The following CLMN variants were observed in gnomAD, a reference collection of about 807,000 sequenced individuals.
CLMN encodes the protein calmin.
CLMN carries 57 observed loss-of-function variants against 92.7 expected under a neutral mutation model. The observed-to-expected ratio is 0.61, with a 90% CI of 0.50 to 0.77. The LOEUF (loss-of-function observed/expected upper bound fraction) is 0.77, where lower values mean the gene tolerates loss of function less well. CLMN is among the 30% of genes least tolerant of loss of function. The probability of loss-of-function intolerance (pLI) is 0.00; values close to 1 mark genes in which losing one functional copy is unlikely to be tolerated. For synonymous variants in CLMN, 466 were observed against 470.6 expected (o/e 0.99, Z 0.13); for missense variants, 1,158 against 1,237.5 (o/e 0.94, Z 0.96).
chr14:95,253,985 C>A (rs951707731), intron 1 of CLMN, among the ~76,000 whole-genome samples: 1 of 152,164 alleles, frequency 6.6e-6, no homozygotes, highest in African/African-American at 2.4e-5. Context: ...GCCTGGGAAT[C>A]TGTATGTTTA....
chr14:95,252,855 G>A (rs1343743216), intron 1 of CLMN, among the ~76,000 whole-genome samples: 1 of 152,168 alleles, frequency 6.6e-6, no homozygotes, highest in Non-Finnish European at 1.5e-5. Context: ...TGCCCCCATG[G>A]GGAGGACACA....
chr14:95,258,864 T>C (rs985836026), intron 1 of CLMN, among the ~76,000 whole-genome samples: 3 of 144,906 alleles, frequency 2.1e-5, no homozygotes, highest in Non-Finnish European at 3.0e-5. Flanking sequence ...GTGTGTGTGG[T>C]ATGTGTATGT....
intron 1 of CLMN, among the ~76,000 whole-genome samples, chr14:95,232,771 G>T (rs189207616): frequency 1.3e-5 from 2 of 152,136 alleles, no homozygotes; most frequent in African/African-American, 4.8e-5. Flanking sequence ...AAGCTCTATC[G>T]GAGATCCTTC....
rs61217816 is a variant in CLMN at position 95,184,710 on chromosome 14, T to C, written c.*6854A>G. The stretch of plus-strand genomic sequence containing the variant: ...CTTGGGGAACCAGCAGCTCTGAGTC[T>C]CCAGGCTTTTGACCCACACCTGACC... On this transcript the variant is annotated 3_prime_UTR_variant, in exon 13 of 13. Coordinates refer to ENST00000298912, the MANE Select transcript of CLMN (RefSeq NM_024734.4). 15,051 of 152,262 alleles carry C rather than the reference T, an allele frequency of 0.099. 983 individuals carry two copies. Among genetic ancestry groups the C allele is most frequent in the East Asian group, 0.36 (1,840 of 5,168 alleles). 9.4% of individuals were successfully genotyped at this position (152,262 alleles called of 1,614,324 possible).
chr14:95,227,516 G>A (rs1217408940), intron 2 of CLMN, among the ~76,000 whole-genome samples: 2 of 152,172 alleles, frequency 1.3e-5, no homozygotes, highest in Admixed American at 6.5e-5. Flanking sequence ...CTGATAAATG[G>A]ACTAACAACA....
rs912435561 is a variant in CLMN at position 95,294,980 on chromosome 14, T to G, written c.82+24731A>C. On this transcript the variant is annotated intron_variant, in intron 1 of 12. Coordinates refer to ENST00000298912, the MANE Select transcript of CLMN (RefSeq NM_024734.4). This position sits in a 1 kb window ranked among gnomAD's most constrained non-coding sequence, Gnocchi z 4.2. ...CTCCTATAATTCAGCCCCCTCTTCT[T>G]GCCCATCAGGCCTGGCAATGGTAAC... 2.0e-5 allele frequency among the ~76,000 whole-genome samples: 3 copies of G among 152,202 alleles called. No individual in the cohort carries two copies. Among genetic ancestry groups the G allele is most frequent in the Non-Finnish European group, 4.4e-5 (3 of 68,022 alleles).
intron 1 of CLMN, among the ~76,000 whole-genome samples, chr14:95,249,095 G>T (rs114395472): frequency 2.6e-3 from 391 of 152,272 alleles, no homozygotes; most frequent in African/African-American, 8.9e-3. Flanking sequence ...TATGACAAAT[G>T]ATTTCCTTTC....
At chr14:95,209,739 CCTTCCACAGTAAG>C (rs1388223544) in intron 7 of CLMN, among the ~76,000 whole-genome samples, 1 of 152,204 alleles carries the variant, frequency 6.6e-6, no homozygotes, top group Non-Finnish European at 1.5e-5. Flanking sequence ...TGTTTTAGTC[CCTTCCACAGTAAG>C]CAGCCAGCTC....
chr14:95,251,975 C>T (rs914398325), intron 1 of CLMN, among the ~76,000 whole-genome samples: 8 of 152,144 alleles, frequency 5.3e-5, no homozygotes, highest in South Asian at 2.1e-4. Context: ...GAAGGATTAG[C>T]GAGGCAAAGC....
chr14:95,227,946 T>G (rs1224376843), intron 2 of CLMN, among the ~76,000 whole-genome samples: 2 of 152,228 alleles, frequency 1.3e-5, no homozygotes, highest in African/African-American at 4.8e-5. Flanking sequence ...AACGTGGCTG[T>G]TAATTTTGCC....
chr14:95,293,140 C>A (rs1447444639), intron 1 of CLMN, among the ~76,000 whole-genome samples: 4 of 131,142 alleles, frequency 3.1e-5, no homozygotes, highest in Non-Finnish European at 3.3e-5. Flanking sequence ...TCCCTCCTTC[C>A]CTCCCTTCTT....
rs201976115 is a variant in CLMN, at chr14:95,203,027, G to A, written c.2322C>T (p.Ala774=). The A allele has an allele frequency of 9.9e-6, 16 of 1,613,944 alleles. No homozygotes were observed. The highest frequency in any genetic ancestry group is 4.0e-5 in the African/African-American group (3 of 74,912). ...AACTGGAGCTGCTCTGAGAGCCATCGGCCTCCTCCTCCCTGGAGTCCAGGT... is the reference window on the plus strand; with the variant it reads ...AACTGGAGCTGCTCTGAGAGCCATCAGCCTCCTCCTCCCTGGAGTCCAGGT... ...MPDLDSREEE[A]DGSQSSSSSS... is the part of the protein sequence containing the mutation. Residue 774 remains alanine, a synonymous_variant, in exon 9 of 13, where the codon GCC becomes GCT. Coordinates refer to ENST00000298912, the MANE Select transcript of CLMN (RefSeq NM_024734.4).
In CLMN at chr14:95,294,004, G is replaced by A. The variant is rs1261953313; in HGVS notation, c.82+25707C>T. Among the ~76,000 whole-genome samples, 1 of 146,068 alleles carries A rather than the reference G, an allele frequency of 6.8e-6. No homozygotes were observed. The highest frequency in any genetic ancestry group is 1.5e-5 in the Non-Finnish European group (1 of 66,192). On this transcript the variant is annotated intron_variant, in intron 1 of 12. Transcript: ENST00000298912. The surrounding 1 kb of genome is among the most constrained non-coding windows in gnomAD (Gnocchi z 4.2). ...AAGGTGCCAGCCCCACTGCCTGGCTGGAGGGTGACACCAAAGAGGAGGAGG... is the reference window on the plus strand; with the variant it reads ...AAGGTGCCAGCCCCACTGCCTGGCTAGAGGGTGACACCAAAGAGGAGGAGG...
intron 1 of CLMN, among the ~76,000 whole-genome samples, chr14:95,264,939 CA>C (rs34109382): frequency 0.02 from 2,536 of 127,338 alleles, 25 homozygotes; most frequent in Middle Eastern, 0.038. Flanking sequence ...CCATCTCTAC[CA>C]AAAAAAAAAA....
intron 1 of CLMN, among the ~76,000 whole-genome samples, chr14:95,258,114 T>C (rs1202259806): frequency 1.3e-5 from 2 of 151,568 alleles, no homozygotes; most frequent in African/African-American, 4.9e-5. Flanking sequence ...TCAGCACATG[T>C]GCAGTGTTTA....
intron 4 of CLMN, among the ~76,000 whole-genome samples, chr14:95,218,697 C>A (rs1566874441): frequency 6.6e-6 from 1 of 152,234 alleles, no homozygotes; most frequent in Non-Finnish European, 1.5e-5. Context: ...CCTGGGCTTG[C>A]CTTCCCACCG....
chr14:95,200,600 G>T (rs1449086626), intron 9 of CLMN, among the ~76,000 whole-genome samples: 2 of 152,164 alleles, frequency 1.3e-5, no homozygotes, highest in African/African-American at 4.8e-5. Flanking sequence ...CGTGGCATCT[G>T]CAGGAGGAGC....
At chr14:95,298,238 A>G (rs1322763064) in intron 1 of CLMN, among the ~76,000 whole-genome samples, 2 of 151,234 alleles carry the variant, frequency 1.3e-5, no homozygotes, top group Non-Finnish European at 2.9e-5. Context: ...TAGATTTTAT[A>G]CCCCAGTGAA....
rs771258010 is a variant in CLMN, at chr14:95,204,478, A to G, written c.886-15T>C. On this transcript the variant is annotated splice_polypyrimidine_tract_variant and intron_variant, in intron 8 of 12. Transcript: ENST00000298912. ...AAAATATCTTCCTGCAAAAAAAAAC[A>G]AAAACAAACAAACAAAAAAAAACAA... 1.3e-6 allele frequency: 2 copies of G among 1,539,878 alleles called. No individual in the cohort carries two copies. Among genetic ancestry groups the G allele is most frequent in the South Asian group, 2.5e-5 (2 of 79,958 alleles).
Sources: gnomAD v4.1 joint callset for allele counts (sites outside exome capture counted in the v4.1 genomes callset) on GRCh38, gnomAD v4.1.1 for gene constraint, Gnocchi (gnomAD v3.1) non-coding constraint, MANE v1.5 for transcripts, NCBI Gene and HGNC (gene_info 2026-07-23, HGNC 2026-07-21) for gene names.